DAB1: variants seen among roughly 807,000 people sequenced by gnomAD.
The protein encoded by DAB1 is disabled homolog 1.
In DAB1, 15 loss-of-function variants were observed where a neutral mutation model predicts 64.6. The ratio of observed to expected loss-of-function variants is 0.23; its 90% CI spans 0.16 to 0.36. DAB1 has a LOEUF of 0.36. Among genes scored for constraint, DAB1 ranks in the 10% least tolerant of loss-of-function variants. The pLI is 1.00. For missense variants in DAB1, 596 were observed against 706.7 expected (o/e 0.84, Z 1.78); for synonymous variants, 235 against 251.9 (o/e 0.93, Z 0.64).
intron 3 of DAB1, among the ~76,000 whole-genome samples, chr1:58,494,847 G>T (rs546089251): frequency 1.2e-4 from 19 of 152,284 alleles, no homozygotes; most frequent in African/African-American, 4.3e-4. Context: ...CAAACATTGT[G>T]GAAGTCAGTG....
chr1:57,879,522 A>G (rs1015378806), intron 1 of DAB1, among the ~76,000 whole-genome samples: 1 of 152,188 alleles, frequency 6.6e-6, no homozygotes, highest in African/African-American at 2.4e-5. Flanking sequence ...GGGTCCCCAA[A>G]CTAAGAAGCC....
At position 58,125,322 on chromosome 1, in the gene DAB1, G is replaced by C. The variant is rs184959890; in HGVS notation, n.387+25189C>G. On this transcript the variant is annotated intron_variant and non_coding_transcript_variant, in intron 5 of 20. Transcript: ENST00000485760. ...ATTCAGCAAATTTTATCTTAGTTTA[G>C]TCCAATGTTTAGTTAATATAAGTTC... is the stretch of plus-strand genomic sequence containing the variant. Among the ~76,000 whole-genome samples, 230 of 152,074 alleles carry C rather than the reference G, an allele frequency of 1.5e-3. 1 individual carries two copies. Among genetic ancestry groups the C allele is most frequent in the Non-Finnish European group, 2.5e-3 (169 of 67,980 alleles).
chr1:57,823,290 T>A (rs992695678), downstream of DAB1, among the ~76,000 whole-genome samples: 3 of 151,242 alleles, frequency 2.0e-5, no homozygotes, highest in Non-Finnish European at 2.9e-5. Context: ...GCTGAAAAAA[T>A]TTTTAAAAAG....
intron 7 of DAB1, among the ~76,000 whole-genome samples, chr1:57,472,451 AAG>A (rs1687171996): frequency 6.6e-6 from 1 of 152,234 alleles, no homozygotes; most frequent in Non-Finnish European, 1.5e-5. Context: ...TGAAATCCAG[AAG>A]CAGACAGCCT....
intron 7 of DAB1, among the ~76,000 whole-genome samples, chr1:57,445,923 C>T (rs543727464): frequency 4.6e-5 from 7 of 152,274 alleles, no homozygotes; most frequent in East Asian, 3.9e-4. Context: ...AAAAAAACTG[C>T]ATCTATTTCT....
chr1:57,604,918 T>C (rs1189810212), intron 7 of DAB1, among the ~76,000 whole-genome samples: 1 of 152,180 alleles, frequency 6.6e-6, no homozygotes, highest in Non-Finnish European at 1.5e-5. Context: ...TTACTTGAAA[T>C]ATCCTATCTC....
At chr1:57,184,158 C>G (rs954524693) in intron 2 of DAB1, among the ~76,000 whole-genome samples, 1 of 152,156 alleles carries the variant, frequency 6.6e-6, no homozygotes, top group African/African-American at 2.4e-5. Context: ...ATCCAGGCAC[C>G]CTGTTAACAG....
At chr1:57,643,078 C>A (rs1212572859) in intron 7 of DAB1, among the ~76,000 whole-genome samples, 1 of 152,184 alleles carries the variant, frequency 6.6e-6, no homozygotes, top group African/African-American at 2.4e-5. Context: ...TGCAGGGGAG[C>A]AGAGTGAGGC....
In DAB1 at chr1:58,118,330, G is replaced by A. The variant is rs538192635; in HGVS notation, n.387+32181C>T. 8.7e-5 allele frequency among the ~76,000 whole-genome samples: 13 copies of A among 149,020 alleles called. No homozygotes were observed. In the East Asian group the frequency reaches 1.8e-3, roughly 20 times the overall value. ...GACATTTGTTAGAATAGGCTATAGCGCATTCAGCTTAAGAGCAAAGACTTG... is the reference window on the plus strand; with the variant it reads ...GACATTTGTTAGAATAGGCTATAGCACATTCAGCTTAAGAGCAAAGACTTG... On this transcript the variant is annotated intron_variant and non_coding_transcript_variant, in intron 5 of 20. Coordinates refer to the DAB1 transcript ENST00000485760.
chr1:57,689,624 A>T (rs956152434), intron 6 of DAB1, among the ~76,000 whole-genome samples: 4 of 152,220 alleles, frequency 2.6e-5, no homozygotes, highest in Non-Finnish European at 5.9e-5. Flanking sequence ...AATTTTTTTT[A>T]AAGTTTTATG....
At chr1:57,666,679 ACATT>A (rs1646451210) in intron 6 of DAB1, among the ~76,000 whole-genome samples, 1 of 152,166 alleles carries the variant, frequency 6.6e-6, no homozygotes, top group African/African-American at 2.4e-5. Flanking sequence ...CCTTGAAAAC[ACATT>A]CATAGTCCAA....
intron 1 of DAB1, among the ~76,000 whole-genome samples, chr1:57,871,309 G>C (rs144958586): frequency 6.8e-4 from 103 of 152,154 alleles, no homozygotes; most frequent in African/African-American, 2.5e-3. Context: ...ATGGGTATCT[G>C]GTGCTGTTTT....
intron 7 of DAB1, among the ~76,000 whole-genome samples, chr1:57,510,454 C>T (rs1644393876): frequency 6.6e-6 from 1 of 152,168 alleles, no homozygotes; most frequent in African/African-American, 2.4e-5. Flanking sequence ...TCTATACGTT[C>T]TCCTTGAGTG....
chr1:57,875,516 T>C (rs1331574158), intron 1 of DAB1, among the ~76,000 whole-genome samples: 3 of 152,198 alleles, frequency 2.0e-5, no homozygotes. Flanking sequence ...GCTTCCGTTA[T>C]ACCTGCACTT....
intron 2 of DAB1, among the ~76,000 whole-genome samples, chr1:58,515,040 C>A (rs1251109964): frequency 2.6e-5 from 4 of 152,192 alleles, no homozygotes. Context: ...CTACAATCAT[C>A]ATTGTCATCA....
chr1:58,138,275 G>C (rs1253501374), intron 5 of DAB1, among the ~76,000 whole-genome samples: 3 of 152,116 alleles, frequency 2.0e-5, no homozygotes, highest in African/African-American at 7.2e-5. Flanking sequence ...GTAAGTAGCA[G>C]AACCAAGATT....
intron 2 of DAB1, among the ~76,000 whole-genome samples, chr1:57,277,883 G>C (rs898418934): frequency 6.6e-6 from 1 of 152,142 alleles, no homozygotes; most frequent in African/African-American, 2.4e-5. Context: ...TCCCAGCATG[G>C]TGTGTCTTGC....
chr1:58,399,751 A>C (rs1644554467), intron 3 of DAB1, among the ~76,000 whole-genome samples: 1 of 152,218 alleles, frequency 6.6e-6, no homozygotes, highest in East Asian at 1.9e-4. Flanking sequence ...TTAATCCTAC[A>C]ACAACCCCTT....
At chr1:58,347,432 T>C (rs1644012396) in intron 3 of DAB1, among the ~76,000 whole-genome samples, 1 of 152,182 alleles carries the variant, frequency 6.6e-6, no homozygotes, top group African/African-American at 2.4e-5. Flanking sequence ...AGGGTGCACA[T>C]AGGAAGCCAG....
Sources: gnomAD v4.1 joint callset for allele counts (sites outside exome capture counted in the v4.1 genomes callset) on GRCh38, gnomAD v4.1.1 for gene constraint, MANE v1.5 for transcripts, NCBI Gene and HGNC (gene_info 2026-07-23, HGNC 2026-07-21) for gene names.